The following CMTM7 variants were observed in gnomAD, a reference collection of about 807,000 sequenced individuals.
CMTM7 encodes CKLF like MARVEL transmembrane domain containing 7, also known as CKLF-like MARVEL transmembrane domain-containing protein 7.
Under a neutral mutation model 19.3 loss-of-function variants are expected in CMTM7, and 7 were observed. The ratio of observed to expected loss-of-function variants is 0.36; its 90% confidence interval spans 0.21 to 0.68. The LOEUF (loss-of-function observed/expected upper bound fraction) is 0.68, where lower values mean the gene tolerates loss of function less well. Among genes scored for constraint, CMTM7 ranks in the 30% least tolerant of loss-of-function variants. The pLI, the probability that CMTM7 is intolerant of heterozygous loss-of-function variation, is 0.60. For missense variants in CMTM7, 193 were observed against 232.6 expected (o/e 0.83, Z 1.11); for synonymous variants, 87 against 99.3 (o/e 0.88, Z 0.74).
At chr3:32,420,674 C>T (rs1199425629) in intron 1 of CMTM7, among the ~76,000 whole-genome samples, 1 of 152,306 alleles carries the variant, frequency 6.6e-6, no homozygotes, top group African/African-American at 2.4e-5. Context: ...CCACTGTCTG[C>T]CTGACTGAAG....
chr3:32,429,072 C>A (rs151242362), intron 1 of CMTM7, among the ~76,000 whole-genome samples: 8 of 152,336 alleles, frequency 5.3e-5, no homozygotes, highest in African/African-American at 1.7e-4. Context: ...AACCAAAAAT[C>A]GTTGTCTACT....
chr3:32,435,328 C>T (rs888594088), intron 1 of CMTM7, among the ~76,000 whole-genome samples: 7 of 152,152 alleles, frequency 4.6e-5, no homozygotes, highest in African/African-American at 1.4e-4. Flanking sequence ...GGTGTGAACC[C>T]GGCAGGCAGA....
At chr3:32,409,899 C>T (rs530376909) in intron 1 of CMTM7, among the ~76,000 whole-genome samples, 1 of 152,204 alleles carries the variant, frequency 6.6e-6, no homozygotes, top group Non-Finnish European at 1.5e-5. Flanking sequence ...TTTAAAAAGC[C>T]TTAGCTCAGA....
chr3:32,404,526 G>A lies in CMTM7; in HGVS notation c.159+12461G>A, dbSNP rs139323429. On this transcript the variant is annotated intron_variant, in intron 1 of 4. Coordinates refer to ENST00000334983, the MANE Select transcript of CMTM7 (RefSeq NM_138410.4). ...TCCTCCTTTTGCTTGAACAGAAGCT[G>A]AGAGGTTAAAAGTTAAATACATAGC... Among the ~76,000 whole-genome samples, 254 of 152,290 alleles carry A rather than the reference G, an allele frequency of 1.7e-3. 1 individual carries two copies. The highest frequency in any genetic ancestry group is 0.01 in the Middle Eastern group (3 of 294).
chr3:32,425,879 C>T (rs1488993722), intron 1 of CMTM7, among the ~76,000 whole-genome samples: 2 of 152,192 alleles, frequency 1.3e-5, no homozygotes, highest in South Asian at 2.1e-4. Flanking sequence ...GGTGTGGTGG[C>T]TCACGCCTGT....
intron 1 of CMTM7, among the ~76,000 whole-genome samples, chr3:32,392,658 G>A (rs1457681175): frequency 1.3e-5 from 2 of 152,208 alleles, no homozygotes; most frequent in Non-Finnish European, 2.9e-5. Flanking sequence ...CTCAAGTTCC[G>A]AGGGAGGGCC....
Position 32,454,329 on chromosome 3 carries a change from C to G in CMTM7, c.*75C>G. On this transcript the variant is annotated 3_prime_UTR_variant, in exon 5 of 5. Transcript: ENST00000334983. ...TGTACTCCAGGCGAGGCCTCTGGACCTGTGTTCCTGTGCCAAAGTCCTGTC... is the reference window on the plus strand; with the variant it reads ...TGTACTCCAGGCGAGGCCTCTGGACGTGTGTTCCTGTGCCAAAGTCCTGTC... The G allele has an allele frequency of 1.3e-6, 2 of 1,572,252 alleles. No individual in the cohort carries two copies. The highest frequency in any genetic ancestry group is 1.7e-6 in the Non-Finnish European group (2 of 1,143,446).
chr3:32,417,100 A>G (rs189163458), intron 1 of CMTM7, among the ~76,000 whole-genome samples: 43 of 152,328 alleles, frequency 2.8e-4, no homozygotes, highest in Admixed American at 2.5e-3. Flanking sequence ...CATCACCACA[A>G]TCAATTTCGG....
intron 1 of CMTM7, among the ~76,000 whole-genome samples, chr3:32,411,359 G>A (rs1696172845): frequency 6.6e-6 from 1 of 152,220 alleles, no homozygotes; most frequent in East Asian, 1.9e-4. Context: ...TATATAAAAA[G>A]GAAAATAGGT....
At chr3:32,436,645 G>A (rs1246896281) in intron 1 of CMTM7, among the ~76,000 whole-genome samples, 2 of 152,044 alleles carry the variant, frequency 1.3e-5, no homozygotes, top group Admixed American at 6.6e-5. Flanking sequence ...TCATTCCAAG[G>A]TCAGATGCAG....
At chr3:32,430,714 T>TGTGTGTGTGTGTGTGA (rs10634592) in intron 1 of CMTM7, among the ~76,000 whole-genome samples, 2,428 of 149,514 alleles carry the variant, frequency 0.016, 35 homozygotes, top group Non-Finnish European at 0.025. Flanking sequence ...TGTGTGTGTG[T>TGTGTGTGTGTGTGTGA]GACACAGCTC....
chr3:32,392,197 C>A lies in CMTM7; in HGVS notation c.159+132C>A. On this transcript the variant is annotated intron_variant, in intron 1 of 4. Transcript: ENST00000334983. ...GCATCGCGCAGCGGGCGGGGCACCG[C>A]GTCGCTAAAGTTCGCGGCAGGCTTC... 5.5e-6 allele frequency: 4 copies of A among 729,746 alleles called. No individual in the cohort carries two copies. The East Asian group carries it at 1.4e-4, about 25-fold the overall frequency. 45.2% of individuals were successfully genotyped at this position (729,746 alleles called of 1,614,324 possible). A position where few individuals can be genotyped will look rare whatever the true frequency, so the allele number is the denominator to read the frequency against.
intron 1 of CMTM7, among the ~76,000 whole-genome samples, chr3:32,404,262 G>A (rs1237258199): frequency 6.8e-6 from 1 of 147,714 alleles, no homozygotes; most frequent in African/African-American, 2.5e-5. Context: ...CCAGGTTCAA[G>A]CAATTATCTT....
At chr3:32,428,211 C>A (rs1322170367) in intron 1 of CMTM7, among the ~76,000 whole-genome samples, 1 of 152,162 alleles carries the variant, frequency 6.6e-6, no homozygotes. Flanking sequence ...CTCTCCAAAG[C>A]CTGCCTGAGA....
chr3:32,418,875 T>C (rs1696304578), intron 1 of CMTM7, among the ~76,000 whole-genome samples: 2 of 152,342 alleles, frequency 1.3e-5, no homozygotes, highest in East Asian at 1.9e-4. Flanking sequence ...CTTGCCCTTT[T>C]CATATGAATT....
At position 32,441,926 on chromosome 3, in the gene CMTM7, T is replaced by C; in HGVS notation, c.246T>C (p.Ile82=). ...SAYSYFEVVT[I]CDLIMILAFY... is the part of the protein sequence containing the mutation. ...ACAGCTACTTTGAAGTGGTCACCAT[T>C]TGCGACTTGATAATGATCCTCGCCT... Residue 82 remains isoleucine (I), a synonymous_variant, in exon 2 of 5, where the codon ATT becomes ATC. Transcript: ENST00000334983. The C allele has an allele frequency of 6.2e-7, 1 of 1,614,190 alleles. No individual in the cohort carries two copies. The highest frequency in any genetic ancestry group is 8.5e-7 in the Non-Finnish European group (1 of 1,180,024).
chr3:32,403,317 C>T (rs983835081), intron 1 of CMTM7, among the ~76,000 whole-genome samples: 9 of 152,238 alleles, frequency 5.9e-5, no homozygotes, highest in East Asian at 3.9e-4. Flanking sequence ...TGGGCTCAAG[C>T]GATCTTCCTG....
intron 1 of CMTM7, among the ~76,000 whole-genome samples, chr3:32,439,896 T>C (rs1485423445): frequency 6.6e-6 from 1 of 152,168 alleles, no homozygotes; most frequent in Non-Finnish European, 1.5e-5. Flanking sequence ...GCTCTCCTAT[T>C]TATTGCAGGG....
intron 1 of CMTM7, among the ~76,000 whole-genome samples, chr3:32,441,432 C>A (rs954641510): frequency 6.6e-6 from 1 of 152,210 alleles, no homozygotes; most frequent in Non-Finnish European, 1.5e-5. Flanking sequence ...CAAATATTGG[C>A]AACTTCGTAC....
Sources: allele counts gnomAD v4.1 joint callset (sites outside exome capture counted in the v4.1 genomes callset), GRCh38; gene constraint gnomAD v4.1.1; transcripts MANE v1.5; gene names NCBI Gene and HGNC (gene_info 2026-07-23, HGNC 2026-07-21).